The following C16orf74 variants were observed in gnomAD, a reference collection of about 807,000 sequenced individuals.
The protein encoded by C16orf74 is calcimembrin.
C16orf74 carries 10 observed loss-of-function variants against 6.5 expected under a neutral mutation model. The ratio of observed to expected loss-of-function variants is 1.54; its 90% CI spans 0.95 to 2.61. C16orf74 has a LOEUF of 2.61. C16orf74 is among the 30% of genes most tolerant of loss of function. C16orf74 has a pLI of 0.00. For synonymous variants in C16orf74, 60 were observed against 42.5 expected, an observed-to-expected ratio of 1.41 and a Z score of -1.60; for missense variants, 141 against 105.9, an observed-to-expected ratio of 1.33 and a Z score of -1.45.
chr16:85,732,688 A>AAAT (rs1181907508), intron 2 of C16orf74, among the ~76,000 whole-genome samples: 3 of 150,024 alleles, frequency 2.0e-5, no homozygotes, highest in Non-Finnish European at 4.4e-5. Context: ...AAAAAAAAAA[A>AAAT]AGAGTTCTGG....
chr16:85,716,024 C>T (rs905415495), intron 2 of C16orf74, among the ~76,000 whole-genome samples: 25 of 147,076 alleles, frequency 1.7e-4, no homozygotes, highest in South Asian at 8.4e-4. Context: ...CGGAGGCCCC[C>T]GACAAAAGGA....
chr16:85,712,970 A>G lies in C16orf74; in HGVS notation c.29-2663T>C, dbSNP rs969733319. Among the ~76,000 whole-genome samples, 4 of 152,316 alleles carry G rather than the reference A, an allele frequency of 2.6e-5. No homozygotes were observed. The East Asian group carries it at 7.7e-4, about 29-fold the overall frequency. ...GCCTGAGCTCCAAAGTGAGCAATCAATCAGCCTCCAGAGGAGCCCCAGTGC... is the reference window on the plus strand; with the variant it reads ...GCCTGAGCTCCAAAGTGAGCAATCAGTCAGCCTCCAGAGGAGCCCCAGTGC... On this transcript the variant is annotated intron_variant, in intron 2 of 3. Coordinates refer to ENST00000284245, the MANE Select transcript of C16orf74 (RefSeq NM_206967.3).
chr16:85,746,439 G>C (rs1274288449), intron 1 of C16orf74, among the ~76,000 whole-genome samples: 1 of 152,166 alleles, frequency 6.6e-6, no homozygotes. Context: ...TCTATTCAAG[G>C]TCATCTGATT....
At chr16:85,725,282 G>A (rs926804809) in intron 2 of C16orf74, among the ~76,000 whole-genome samples, 1 of 151,974 alleles carries the variant, frequency 6.6e-6, no homozygotes, top group Non-Finnish European at 1.5e-5. Flanking sequence ...GTTCCAGAAA[G>A]AGCCCTGGAA....
At chr16:85,722,135 A>G (rs2054089407) in intron 2 of C16orf74, among the ~76,000 whole-genome samples, 1 of 151,750 alleles carries the variant, frequency 6.6e-6, no homozygotes, top group Admixed American at 6.6e-5. Context: ...GTAAGCTGGG[A>G]TTCTAGGTGT....
chr16:85,744,844 A>C lies in C16orf74; in HGVS notation c.-19+6082T>G, dbSNP rs2599076. ...GACTCCATCTCAAAAAAAAAAAAAA[A>C]AAAAAACTCTCCGTCAGCCGGGTGC... On this transcript the variant is annotated intron_variant, in intron 1 of 3. Coordinates refer to ENST00000284245, the MANE Select transcript of C16orf74 (RefSeq NM_206967.3). Among the ~76,000 whole-genome samples the C allele has an allele frequency of 3.1e-3, 438 of 139,164 alleles. 4 individuals carry two copies. The highest frequency in any genetic ancestry group is 4.1e-3 in the Non-Finnish European group (267 of 65,372). 91.3% of individuals were successfully genotyped at this position (139,164 alleles called of 152,430 possible).
chr16:85,721,639 T>C (rs1200730263), intron 2 of C16orf74, among the ~76,000 whole-genome samples: 1 of 152,210 alleles, frequency 6.6e-6, no homozygotes, highest in Non-Finnish European at 1.5e-5. Flanking sequence ...CAGCTCTACA[T>C]GGGGCTGTCG....
intron 1 of C16orf74, among the ~76,000 whole-genome samples, chr16:85,748,948 A>ATTTTT (rs2054405476): frequency 4.4e-5 from 4 of 91,762 alleles, no homozygotes; most frequent in Non-Finnish European, 7.3e-5. Flanking sequence ...TTTTTTTTTT[A>ATTTTT]TTTTATTTTT....
intron 2 of C16orf74, among the ~76,000 whole-genome samples, chr16:85,721,341 G>C (rs2054080643): frequency 6.6e-6 from 1 of 152,126 alleles, no homozygotes; most frequent in Non-Finnish European, 1.5e-5. Flanking sequence ...GCTGTCCTGT[G>C]TGTCAGGCAA....
At position 85,708,020 on chromosome 16, in the gene C16orf74, G is replaced by A. The variant is rs1220192399; in HGVS notation, c.219C>T (p.Asp73=). Residue 73 remains aspartate, a synonymous_variant, in exon 4 of 4, where the codon GAC becomes GAT. Coordinates refer to ENST00000284245, the MANE Select transcript of C16orf74 (RefSeq NM_206967.3). The part of the protein sequence containing the change: ...TGSCPDDGEI[D]PEA ...CCAGGACACCTCCTCAGGCTTCTGG[G>A]TCGATTTCTCCATCATCTGGGCACG... 1.3e-6 allele frequency: 2 copies of A among 1,553,002 alleles called. No homozygotes were observed. Among genetic ancestry groups the A allele is most frequent in the Non-Finnish European group, 1.7e-6 (2 of 1,147,722 alleles).
chr16:85,710,439 G>T, intron 2 of C16orf74, 132 bp from the exon 3 acceptor site: 1 of 779,558 alleles, frequency 1.3e-6, no homozygotes, highest in Non-Finnish European at 1.9e-6. Context: ...AGCAAGGAGC[G>T]CAGCTGTCCC....
At chr16:85,716,109 C>T (rs934465893) in intron 2 of C16orf74, among the ~76,000 whole-genome samples, 4 of 152,094 alleles carry the variant, frequency 2.6e-5, no homozygotes, top group African/African-American at 9.7e-5. Flanking sequence ...GGTGAATACT[C>T]CAAGATTCTA....
chr16:85,716,063 G>A (rs971824101), intron 2 of C16orf74, among the ~76,000 whole-genome samples: 6 of 152,168 alleles, frequency 3.9e-5, no homozygotes, highest in Non-Finnish European at 5.9e-5. Context: ...TGTAACAGGA[G>A]GGAGCTTCCC....
intron 2 of C16orf74, among the ~76,000 whole-genome samples, chr16:85,733,253 T>A (rs1444254225): frequency 6.6e-6 from 1 of 152,254 alleles, no homozygotes; most frequent in Non-Finnish European, 1.5e-5. Flanking sequence ...GCATGTTCAA[T>A]GTGGATGAGC....
intron 2 of C16orf74, among the ~76,000 whole-genome samples, chr16:85,728,931 GA>G (rs2054160591): frequency 6.6e-6 from 1 of 152,226 alleles, no homozygotes; most frequent in African/African-American, 2.4e-5. Flanking sequence ...AGGATGTGTT[GA>G]AAACCCTGAG....
At chr16:85,711,151 C>T (rs2053965673) in intron 2 of C16orf74, among the ~76,000 whole-genome samples, 1 of 151,250 alleles carries the variant, frequency 6.6e-6, no homozygotes, top group African/African-American at 2.4e-5. Context: ...CCCATCTCTA[C>T]TAAAATACGA....
intron 1 of C16orf74, among the ~76,000 whole-genome samples, chr16:85,749,228 C>T (rs1438384117): frequency 6.6e-6 from 1 of 152,138 alleles, no homozygotes; most frequent in Admixed American, 6.6e-5. Context: ...AGCCATGTAA[C>T]CTTGTGTCAG....
chr16:85,718,254 T>C (rs2054044871), intron 2 of C16orf74, among the ~76,000 whole-genome samples: 1 of 152,022 alleles, frequency 6.6e-6, no homozygotes, highest in African/African-American at 2.4e-5. Flanking sequence ...TTAAACTTTT[T>C]TGTAGAGACA....
chr16:85,722,841 A>G (rs550217476), intron 2 of C16orf74, among the ~76,000 whole-genome samples: 17 of 152,360 alleles, frequency 1.1e-4, no homozygotes, highest in African/African-American at 4.1e-4. Context: ...GCCTATGTGC[A>G]CCAGGCGCCA....
Sources: allele counts gnomAD v4.1 joint callset (sites outside exome capture counted in the v4.1 genomes callset), GRCh38; gene constraint gnomAD v4.1.1; transcripts MANE v1.5; gene names NCBI Gene and HGNC (gene_info 2026-07-23, HGNC 2026-07-21).